The following KDR variants were observed in gnomAD, a reference collection of about 807,000 sequenced individuals.
KDR encodes the protein kinase insert domain receptor.
In KDR, 43 loss-of-function variants were observed where a neutral mutation model predicts 160.9. The ratio of observed to expected loss-of-function variants is 0.27; its 90% confidence interval spans 0.21 to 0.34. The LOEUF is 0.34. Ranked by LOEUF, KDR falls within the 10% of genes least tolerant of loss-of-function variation. KDR has a pLI of 1.00. For missense variants in KDR, 1,469 were observed against 1,666.4 expected (o/e 0.88, Z 2.06); for synonymous variants, 617 against 600.1 (o/e 1.03, Z -0.41).
At chr4:55,082,509 A>G in intron 28 of KDR, 27 bp downstream of exon 28, 1 of 1,474,538 alleles carries the variant, frequency 6.8e-7, no homozygotes, top group Non-Finnish European at 9.5e-7. Flanking sequence ...TATTATTTCT[A>G]AGACTATTTT....
In KDR at chr4:55,118,798, C is replaced by T; in HGVS notation, c.164G>A (p.Gly55Glu). The T allele has an allele frequency of 6.2e-7, 1 of 1,613,818 alleles. No individual in the cohort carries two copies. The highest frequency in any genetic ancestry group is 8.5e-7 in the Non-Finnish European group (1 of 1,179,736). The change falls in exon 3 of 30, where the codon GGA becomes GAA. Residue 55 changes from glycine to glutamate, a missense_variant and splice_region_variant. Physicochemically the swap from Gly to Glu is moderately conservative, Grantham distance 98. Coordinates refer to ENST00000263923, the MANE Select transcript of KDR (RefSeq NM_002253.4). ...CCAAAGCCAGTCCAAGTCCCTCTGTCCCCTGAAAAATTAATTTCAGGGAGG... is the reference window on the plus strand; with the variant it reads ...CCAAAGCCAGTCCAAGTCCCTCTGTTCCCTGAAAAATTAATTTCAGGGAGG... Reference protein sequence around the residue: ...ANTTLQITCRGQRDLDWLWPN... With the variant: ...ANTTLQITCREQRDLDWLWPN...
rs1180115447 is a variant in KDR, at chr4:55,114,854, G to A, written c.658+20C>T. On this transcript the variant is annotated intron_variant, in intron 5 of 29. Transcript: ENST00000263923. The stretch of plus-strand genomic sequence containing the variant: ...ACAAGGATATGTTATTAATGATATG[G>A]AAAGGAAATGTCCTCTTACCTACAA... 1 of 1,583,318 alleles carries A rather than the reference G, an allele frequency of 6.3e-7. No individual in the cohort carries two copies. The highest frequency in any genetic ancestry group is 8.7e-7 in the Non-Finnish European group (1 of 1,152,208).
chr4:55,098,372 T>C (rs1268143324), intron 16 of KDR, 100 bp from the exon 17 acceptor site: 1 of 1,396,352 alleles, frequency 7.2e-7, no homozygotes, highest in Non-Finnish European at 1.0e-6. Flanking sequence ...TCCTGTCTCA[T>C]TTTCCAATAA....
chr4:55,089,558 A>C, intron 24 of KDR, 85 bp from the exon 25 acceptor site: 2 of 1,316,942 alleles, frequency 1.5e-6, no homozygotes, highest in Non-Finnish European at 2.2e-6. Context: ...CATCCTCATC[A>C]CCTATGTATC....
chr4:55,109,713 C>T (rs1032470654), intron 9 of KDR, among the ~76,000 whole-genome samples: 2 of 152,048 alleles, frequency 1.3e-5, no homozygotes, highest in Non-Finnish European at 2.9e-5. Context: ...ATAAAGAAAC[C>T]TGTTACACAT....
At chr4:55,102,174 A>G (rs1355767366) in intron 14 of KDR, 146 bp from the exon 15 acceptor site, 1 of 1,313,854 alleles carries the variant, frequency 7.6e-7, no homozygotes, top group African/African-American at 1.5e-5. Context: ...CTGCTGACTA[A>G]TCTCCTATAT....
In KDR at chr4:55,088,724, A is replaced by T; in HGVS notation, c.3510+144T>A. 1.7e-5 allele frequency: 12 copies of T among 704,586 alleles called. No individual in the cohort carries two copies. The South Asian group carries it at 1.8e-4, about 11-fold the overall frequency. 43.6% of individuals were successfully genotyped at this position (704,586 alleles called of 1,614,324 possible). On this transcript the variant is annotated intron_variant, in intron 26 of 29. Coordinates refer to ENST00000263923, the MANE Select transcript of KDR (RefSeq NM_002253.4). ...GGGTAATTACAGCTTTTAGAAAAGC[A>T]TTATTACTCAGATGTAGAAGAATAC... is the stretch of plus-strand genomic sequence containing the variant.
At chr4:55,100,185 A>G (rs1384740727) in intron 15 of KDR, among the ~76,000 whole-genome samples, 1 of 152,196 alleles carries the variant, frequency 6.6e-6, no homozygotes, top group Non-Finnish European at 1.5e-5. Flanking sequence ...AAGACAAGTA[A>G]GAAACTGGTT....
intron 15 of KDR, among the ~76,000 whole-genome samples, 176 bp from the exon 16 acceptor site, chr4:55,098,979 T>TTTAATTTA (rs562345378): frequency 6.9e-6 from 1 of 144,328 alleles, no homozygotes; most frequent in East Asian, 2.0e-4. Flanking sequence ...TTTTTTTGAA[T>TTTAATTTA]TTAATTTATT....
At chr4:55,124,451 A>G (rs1720978126) in intron 1 of KDR, among the ~76,000 whole-genome samples, 2 of 152,188 alleles carry the variant, frequency 1.3e-5, no homozygotes, top group Admixed American at 6.5e-5. Flanking sequence ...AAAGCTAGGT[A>G]CCAAGGCCCA....
rs17085274 is a variant in KDR at position 55,096,165 on chromosome 4, C to T, written c.2728+64G>A. On this transcript the variant is annotated intron_variant, in intron 19 of 29. Coordinates refer to ENST00000263923, the MANE Select transcript of KDR (RefSeq NM_002253.4). ...CAAGGCCAGAGGAGTTGACTGCTTTCCCTCAAACACTATCAGAGAGGCATG... is the reference window on the plus strand; with the variant it reads ...CAAGGCCAGAGGAGTTGACTGCTTTTCCTCAAACACTATCAGAGAGGCATG... The T allele has an allele frequency of 3.3e-3, 2,871 of 881,008 alleles. 50 individuals are homozygous for T. The African/African-American group carries it at 0.042, about 13-fold the overall frequency. 54.6% of individuals were successfully genotyped at this position (881,008 alleles called of 1,614,324 possible). A position where few individuals can be genotyped will look rare whatever the true frequency, so the allele number is the denominator to read the frequency against.
rs1228312632 is a variant in KDR, at chr4:55,114,180, T to G, written c.744A>C (p.Ala248=). The change falls in exon 6 of 30, where the codon GCA becomes GCC. Residue 248 remains alanine, a synonymous_variant. Transcript: ENST00000263923. ...VGEKLVLNCT[A]RTELNVGIDF... ...CAATCCCCACATTTAGTTCAGTTCT[T>G]GCTGTACAATTTAAGACAAGCTTTT... The G allele has an allele frequency of 6.2e-7, 1 of 1,613,946 alleles. No homozygotes were observed. The highest frequency in any genetic ancestry group is 1.3e-5 in the African/African-American group (1 of 74,924).
chr4:55,094,498 C>T (rs1466660661), intron 21 of KDR, among the ~76,000 whole-genome samples: 3 of 152,292 alleles, frequency 2.0e-5, no homozygotes, highest in Admixed American at 6.5e-5. Flanking sequence ...AAACTTGTGG[C>T]CTCTCTCACT....
intron 2 of KDR, among the ~76,000 whole-genome samples, chr4:55,120,353 G>A (rs1720839819): frequency 6.6e-6 from 1 of 152,224 alleles, no homozygotes; most frequent in Middle Eastern, 3.4e-3. Context: ...CATGCCTTTC[G>A]TGTGTGATCA....
chr4:55,082,481 C>T (rs2110005695), intron 28 of KDR, 55 bp downstream of exon 28: 1 of 1,298,502 alleles, frequency 7.7e-7, no homozygotes, highest in Non-Finnish European at 1.1e-6. Flanking sequence ...ATTTATCTAG[C>T]TAGTGTTTCA....
chr4:55,118,945 A>C (rs1169385006), intron 2 of KDR, 145 bp from the exon 3 acceptor site: 5 of 727,078 alleles, frequency 6.9e-6, no homozygotes, highest in Non-Finnish European at 1.2e-5. Flanking sequence ...ATGGTGGCTC[A>C]TGCCTATAAT....
chr4:55,124,746 G>A (rs1337089912), intron 1 of KDR, among the ~76,000 whole-genome samples: 2 of 152,168 alleles, frequency 1.3e-5, no homozygotes, highest in Non-Finnish European at 2.9e-5. Context: ...ACAACGGGCC[G>A]GGTCCCGCAA....
intron 29 of KDR, among the ~76,000 whole-genome samples, chr4:55,080,828 T>A (rs958884740): frequency 6.6e-6 from 1 of 152,194 alleles, no homozygotes; most frequent in African/African-American, 2.4e-5. Flanking sequence ...GCTGTGTTGA[T>A]CTAAAACTTC....
chr4:55,101,940 A>G lies in KDR; in HGVS notation c.2223T>C (p.Ser741=). The G allele has an allele frequency of 6.2e-7, 1 of 1,613,638 alleles. No homozygotes were observed. The highest frequency in any genetic ancestry group is 1.3e-5 in the African/African-American group (1 of 74,968). Reference sequence around the variant, plus strand: ...CCTCCACTTTTGCACAGCCAAGAACACTGCATGCCTGGCAGGTGTAGAGGC... The same window carrying G: ...CCTCCACTTTTGCACAGCCAAGAACGCTGCATGCCTGGCAGGTGTAGAGGC... ...DEGLYTCQAC[S]VLGCAKVEAF... The change falls in exon 15 of 30, where the codon AGT becomes AGC. Residue 741 remains serine (S), a synonymous_variant. Transcript: ENST00000263923.
Sources: gnomAD v4.1 joint callset for allele counts (sites outside exome capture counted in the v4.1 genomes callset) on GRCh38, gnomAD v4.1.1 for gene constraint, MANE v1.5 for transcripts, NCBI Gene and HGNC (gene_info 2026-07-23, HGNC 2026-07-21) for gene names.